EVI5: variants seen among roughly 807,000 people sequenced by gnomAD.
The protein encoded by EVI5 is ecotropic viral integration site 5, also known as ecotropic viral integration site 5 protein homolog.
Under a neutral mutation model 112.0 loss-of-function variants are expected in EVI5, and 73 were observed. The observed-to-expected ratio is 0.65, with a 90% CI of 0.54 to 0.79. EVI5 has a LOEUF of 0.79. Among genes scored for constraint, EVI5 ranks in the 30% least tolerant of loss-of-function variants. The pLI, the probability that EVI5 is intolerant of heterozygous loss-of-function variation, is 0.00. For missense variants in EVI5, 900 were observed against 968.8 expected (o/e 0.93, Z 0.94); for synonymous variants, 305 against 319.9 (o/e 0.95, Z 0.50).
chr1:92,549,947 C>T (rs941279160), intron 19 of EVI5, among the ~76,000 whole-genome samples: 2 of 152,170 alleles, frequency 1.3e-5, no homozygotes, highest in African/African-American at 4.8e-5. Context: ...GTGGCGATTA[C>T]TCAAGGATCT....
chr1:92,753,375 A>C (rs983792640), intron 1 of EVI5, among the ~76,000 whole-genome samples: 20 of 152,204 alleles, frequency 1.3e-4, no homozygotes, highest in Non-Finnish European at 2.6e-4. Flanking sequence ...GCACTCTCTA[A>C]TAGAAATATA....
intron 10 of EVI5, 48 bp from the exon 11 acceptor site, chr1:92,666,040 A>T: frequency 8.0e-7 from 1 of 1,252,090 alleles, no homozygotes; most frequent in Non-Finnish European, 1.1e-6. Flanking sequence ...TGAGAGGAAA[A>T]AAAAGATTTC....
intron 10 of EVI5, among the ~76,000 whole-genome samples, chr1:92,672,286 C>G (rs1359767653): frequency 6.6e-6 from 1 of 152,212 alleles, no homozygotes; most frequent in Non-Finnish European, 1.5e-5. Flanking sequence ...AAAGTCCTTA[C>G]CACTGTCGAC....
Position 92,508,831 on chromosome 1 carries a change from T to G in EVI5, c.*4825A>C, listed in dbSNP as rs1659016004. ...ATAACTTTGCTTCTTGGTAGTATAC[T>G]GAATGTATTATTCTATCATCTCCTC... is the stretch of plus-strand genomic sequence containing the variant. On this transcript the variant is annotated 3_prime_UTR_variant, in exon 20 of 20. Coordinates refer to ENST00000684568, the MANE Select transcript of EVI5 (RefSeq NM_001350197.2). 6.6e-6 allele frequency: 1 copy of G among 152,608 alleles called. No homozygotes were observed. The highest frequency in any genetic ancestry group is 1.5e-5 in the Non-Finnish European group (1 of 68,040). 9.5% of individuals were successfully genotyped at this position (152,608 alleles called of 1,614,324 possible).
At chr1:92,743,671 T>C (rs906205924) in intron 1 of EVI5, among the ~76,000 whole-genome samples, 27 of 152,186 alleles carry the variant, frequency 1.8e-4, no homozygotes, top group African/African-American at 6.3e-4. Context: ...TTGTTATGAA[T>C]ACTTTATCAC....
At chr1:92,783,483 T>TAAAAAAAAAAAAAA (rs774619273) in intron 1 of EVI5, among the ~76,000 whole-genome samples, 2 of 24,270 alleles carry the variant, frequency 8.2e-5, no homozygotes, top group African/African-American at 3.2e-4. Flanking sequence ...GACTCAGCCT[T>TAAAAAAAAAAAAAA]AAAAAAAAAA....
intron 10 of EVI5, among the ~76,000 whole-genome samples, chr1:92,671,438 C>T (rs1372674601): frequency 6.6e-6 from 1 of 152,180 alleles, no homozygotes; most frequent in Non-Finnish European, 1.5e-5. Flanking sequence ...TATCTACAAT[C>T]CTTTCCCAAG....
At chr1:92,624,415 C>A in intron 15 of EVI5, 81 bp from the exon 16 acceptor site, 1 of 1,116,390 alleles carries the variant, frequency 9.0e-7, no homozygotes, top group Non-Finnish European at 1.3e-6. Context: ...TTATTTCAGG[C>A]CTGTGATATA....
At chr1:92,738,459 A>G (rs1218975078) in intron 1 of EVI5, among the ~76,000 whole-genome samples, 1 of 152,204 alleles carries the variant, frequency 6.6e-6, no homozygotes, top group Non-Finnish European at 1.5e-5. Context: ...AATGCTTTAC[A>G]TTTTCATTAT....
intron 1 of EVI5, among the ~76,000 whole-genome samples, chr1:92,737,835 T>G (rs1482200807): frequency 6.6e-6 from 1 of 152,210 alleles, no homozygotes; most frequent in Non-Finnish European, 1.5e-5. Context: ...ATGGAGCATC[T>G]AAAAGGACAA....
chr1:92,731,958 C>A (rs547411888), intron 2 of EVI5: 12 of 152,472 alleles, frequency 7.9e-5, no homozygotes, highest in African/African-American at 2.4e-4. Flanking sequence ...AAAGCACAAT[C>A]CATAAAAGAA....
chr1:92,780,484 T>C (rs1684723194), intron 1 of EVI5, among the ~76,000 whole-genome samples: 1 of 152,210 alleles, frequency 6.6e-6, no homozygotes, highest in South Asian at 2.1e-4. Flanking sequence ...AGAGCTTATA[T>C]TACCACATAT....
intron 13 of EVI5, among the ~76,000 whole-genome samples, chr1:92,642,318 AT>A: frequency 6.6e-6 from 1 of 152,352 alleles, no homozygotes; most frequent in South Asian, 2.1e-4. Flanking sequence ...CTCATTTATT[AT>A]TTAAAAGGAA....
Position 92,651,336 on chromosome 1 carries a change from T to C in EVI5, c.1392+11383A>G, listed in dbSNP as rs576107058. On this transcript the variant is annotated intron_variant, in intron 13 of 19. Coordinates refer to ENST00000684568, the MANE Select transcript of EVI5 (RefSeq NM_001350197.2). ...AGTTGTTATCTTTCCCATGACTAAATTGGCCGCTACTTATATTTGGAGAAA... is the reference window on the plus strand; with the variant it reads ...AGTTGTTATCTTTCCCATGACTAAACTGGCCGCTACTTATATTTGGAGAAA... 3.2e-4 allele frequency among the ~76,000 whole-genome samples: 49 copies of C among 152,334 alleles called. No individual in the cohort carries two copies. In the East Asian group the frequency reaches 7.1e-3, roughly 22 times the overall value.
intron 9 of EVI5, among the ~76,000 whole-genome samples, chr1:92,681,579 C>G (rs1667596389): frequency 6.6e-6 from 1 of 152,198 alleles, no homozygotes; most frequent in African/African-American, 2.4e-5. Flanking sequence ...CCCTCCTTCT[C>G]TTCACCTGGC....
chr1:92,655,788 T>C (rs1235154695), intron 13 of EVI5, among the ~76,000 whole-genome samples: 1 of 152,168 alleles, frequency 6.6e-6, no homozygotes. Flanking sequence ...CAATCCTAAA[T>C]ATATATGTAC....
chr1:92,735,628 A>C (rs939255477), intron 2 of EVI5, among the ~76,000 whole-genome samples: 1 of 106,074 alleles, frequency 9.4e-6, no homozygotes, highest in Non-Finnish European at 1.9e-5. Flanking sequence ...TATATGATAT[A>C]TGATATATGT....
At chr1:92,629,273 C>T (rs1452742797) in intron 14 of EVI5, among the ~76,000 whole-genome samples, 1 of 152,156 alleles carries the variant, frequency 6.6e-6, no homozygotes, top group African/African-American at 2.4e-5. Context: ...ATTCTAGTTA[C>T]ACTTGTTCTG....
At chr1:92,781,753 G>C (rs914129291) in intron 1 of EVI5, among the ~76,000 whole-genome samples, 1 of 151,766 alleles carries the variant, frequency 6.6e-6, no homozygotes, top group Non-Finnish European at 1.5e-5. Flanking sequence ...CCAGGAGTTC[G>C]AGACCAGCCT....
Sources: allele counts gnomAD v4.1 joint callset (sites outside exome capture counted in the v4.1 genomes callset), GRCh38; gene constraint gnomAD v4.1.1; transcripts MANE v1.5; gene names NCBI Gene and HGNC (gene_info 2026-07-23, HGNC 2026-07-21).